The following GLT1D1 variants were observed in gnomAD, a reference collection of about 807,000 sequenced individuals.
GLT1D1 encodes glycosyltransferase 1 domain-containing protein 1.
A neutral mutation model predicts 28.7 loss-of-function variants in GLT1D1; 21 were observed. The ratio of observed to expected loss-of-function variants is 0.73; its 90% confidence interval spans 0.52 to 1.05. The LOEUF is 1.05. Among genes scored for constraint, GLT1D1 ranks in the 50% least tolerant of loss-of-function variants. The pLI is 0.00. For synonymous variants in GLT1D1, 147 were observed against 124.8 expected (o/e 1.18, Z -1.19); for missense variants, 343 against 330.6 (o/e 1.04, Z -0.29).
At chr12:128,964,276 G>A (rs552105394) in intron 7 of GLT1D1, among the ~76,000 whole-genome samples, 4 of 152,252 alleles carry the variant, frequency 2.6e-5, no homozygotes, top group South Asian at 2.1e-4. Flanking sequence ...CCAGCTACTC[G>A]AGAGGCTGAG....
intron 1 of GLT1D1, among the ~76,000 whole-genome samples, chr12:128,862,285 C>A (rs552693463): frequency 2.0e-5 from 3 of 147,896 alleles, no homozygotes; most frequent in South Asian, 2.2e-4. Context: ...GCCAAGATTG[C>A]GCCACTGCAG....
At chr12:128,947,139 G>A in intron 5 of GLT1D1, among the ~76,000 whole-genome samples, 199 bp from the exon 10 acceptor site, 1 of 152,192 alleles carries the variant, frequency 6.6e-6, no homozygotes, top group East Asian at 1.9e-4. Context: ...GACATGTTAA[G>A]CAACTCCCTC....
intron 2 of GLT1D1, among the ~76,000 whole-genome samples, chr12:128,878,561 A>G (rs185367207): frequency 6.6e-6 from 1 of 152,066 alleles, no homozygotes; most frequent in African/African-American, 2.4e-5. Context: ...TGAAAGTATT[A>G]TTTCTAGAGA....
At position 128,975,243 on chromosome 12, in the gene GLT1D1, C is replaced by T. The variant is rs1004045998; in HGVS notation, c.640-7686C>T. ...CACTGGGGGTCAGTCTTGGAATGGACGTCAGACTCAGGCATCATGACTGGG... is the reference window on the plus strand; with the variant it reads ...CACTGGGGGTCAGTCTTGGAATGGATGTCAGACTCAGGCATCATGACTGGG... On this transcript the variant is annotated intron_variant, in intron 7 of 7. Coordinates refer to ENST00000281703, the MANE Select transcript of GLT1D1 (RefSeq NM_144669.3). Among the ~76,000 whole-genome samples, 10 of 152,188 alleles carry T rather than the reference C, an allele frequency of 6.6e-5. No homozygotes were observed. In the East Asian group the frequency reaches 9.7e-4, roughly 15 times the overall value.
chr12:128,960,357 C>T (rs915144234), intron 7 of GLT1D1, among the ~76,000 whole-genome samples: 3 of 152,090 alleles, frequency 2.0e-5, no homozygotes, highest in Non-Finnish European at 2.9e-5. Context: ...TTGTTTTAAA[C>T]AACAACATGC....
Position 128,876,025 on chromosome 12 carries a change from G to C in GLT1D1, c.180G>C (p.Leu60=), listed in dbSNP as rs1452542730. ...TGGCTGAGAACTGCGAGGCTGCCCT[G>C]GCTCTTCATCTCTATAGGGGAGGCA... The change falls in exon 2 of 8, where the codon CTG becomes CTC. Residue 60 remains leucine, a synonymous_variant. Transcript: ENST00000281703. The C allele has an allele frequency of 1.2e-6, 2 of 1,613,824 alleles. No individual in the cohort carries two copies. The highest frequency in any genetic ancestry group is 1.7e-6 in the Non-Finnish European group (2 of 1,179,828).
intron 4 of GLT1D1, among the ~76,000 whole-genome samples, chr12:128,918,461 C>T (rs547191614): frequency 2.0e-5 from 3 of 152,114 alleles, no homozygotes; most frequent in Admixed American, 2.0e-4. Context: ...GCACACGTAT[C>T]CTGGAACTTA....
intron 5 of GLT1D1, among the ~76,000 whole-genome samples, chr12:128,947,104 A>G (rs748276349): frequency 6.6e-6 from 1 of 152,164 alleles, no homozygotes; most frequent in Non-Finnish European, 1.5e-5. Flanking sequence ...AGGTGTCTTT[A>G]TGGAGCATAT....
chr12:128,885,964 T>TTG (rs1957165278), intron 2 of GLT1D1, among the ~76,000 whole-genome samples: 1 of 152,168 alleles, frequency 6.6e-6, no homozygotes, highest in Non-Finnish European at 1.5e-5. Context: ...TTCCCGTGTG[T>TTG]TGTGGGAAGG....
chr12:128,879,220 C>A (rs1956942390), intron 2 of GLT1D1, among the ~76,000 whole-genome samples: 1 of 151,980 alleles, frequency 6.6e-6, no homozygotes, highest in Non-Finnish European at 1.5e-5. Flanking sequence ...TAAACGTGTG[C>A]CATGGTGGTT....
chr12:128,913,268 G>A (rs1871733330), intron 4 of GLT1D1, among the ~76,000 whole-genome samples: 1 of 152,118 alleles, frequency 6.6e-6, no homozygotes, highest in South Asian at 2.1e-4. Context: ...CGCCCAGGCT[G>A]GAGTGCAGTG....
intron 4 of GLT1D1, among the ~76,000 whole-genome samples, chr12:128,918,337 G>A (rs1217037937): frequency 6.6e-6 from 1 of 152,142 alleles, no homozygotes; most frequent in Non-Finnish European, 1.5e-5. Context: ...GGCATCAGGA[G>A]AGCATCAGGA....
intron 4 of GLT1D1, among the ~76,000 whole-genome samples, chr12:128,904,024 G>A (rs752925635): frequency 2.0e-5 from 3 of 151,768 alleles, no homozygotes; most frequent in Admixed American, 6.6e-5. Flanking sequence ...CACTGTGCCC[G>A]GCCAGAACTT....
At chr12:128,858,562 C>CTTGGGTGGCTGAGGAAGGAGAAT (rs1325869817) in intron 1 of GLT1D1, among the ~76,000 whole-genome samples, 1 of 151,928 alleles carries the variant, frequency 6.6e-6, no homozygotes, top group Non-Finnish European at 1.5e-5. Context: ...ATCCCAGCTA[C>CTTGGGTGGCTGAGGAAGGAGAAT]TTGGGTGGCT....
intron 7 of GLT1D1, among the ~76,000 whole-genome samples, chr12:128,978,717 G>A (rs1001680724): frequency 2.0e-5 from 3 of 152,154 alleles, no homozygotes; most frequent in African/African-American, 7.2e-5. Flanking sequence ...GAAAGTGAGG[G>A]AGTAGAAGAA....
At chr12:128,976,075 C>T (rs1272207951) in intron 7 of GLT1D1, among the ~76,000 whole-genome samples, 1 of 152,198 alleles carries the variant, frequency 6.6e-6, no homozygotes, top group African/African-American at 2.4e-5. Flanking sequence ...AGGGATGGTG[C>T]CGTGTACAAG....
intron 1 of GLT1D1, among the ~76,000 whole-genome samples, chr12:128,866,349 G>T (rs2135772686): frequency 6.6e-6 from 1 of 152,088 alleles, no homozygotes; most frequent in East Asian, 1.9e-4. Flanking sequence ...GATTACAGGT[G>T]TGAGGCACTG....
At chr12:128,972,886 C>T (rs1448628812) in intron 7 of GLT1D1, among the ~76,000 whole-genome samples, 1 of 152,200 alleles carries the variant, frequency 6.6e-6, no homozygotes, top group Non-Finnish European at 1.5e-5. Flanking sequence ...AGCTAATTAA[C>T]ATTTCCATCC....
chr12:128,925,719 C>T (rs915694604), intron 4 of GLT1D1, among the ~76,000 whole-genome samples: 6 of 152,180 alleles, frequency 3.9e-5, no homozygotes, highest in African/African-American at 1.4e-4. Context: ...TTCTTCCTAT[C>T]TAGAATTGCA....
Sources: gnomAD v4.1 joint callset for allele counts (sites outside exome capture counted in the v4.1 genomes callset) on GRCh38, gnomAD v4.1.1 for gene constraint, MANE v1.5 for transcripts, NCBI Gene and HGNC (gene_info 2026-07-23, HGNC 2026-07-21) for gene names.